Variants in DDB1 observed in about 807,000 individuals in gnomAD.
DDB1 encodes damage specific DNA binding protein 1.
DDB1 carries 18 observed loss-of-function variants against 133.1 expected under a neutral mutation model. That is an observed-to-expected ratio of 0.14 (90% CI 0.09 to 0.20). The LOEUF (loss-of-function observed/expected upper bound fraction) is 0.20. Ranked by LOEUF, DDB1 falls within the 10% of genes least tolerant of loss-of-function variation. The probability of loss-of-function intolerance (pLI) is 1.00; values close to 1 mark genes in which losing one functional copy is unlikely to be tolerated. For missense variants in DDB1, 828 were observed against 1,459.2 expected (o/e 0.57, Z 7.05); for synonymous variants, 580 against 550.5 (o/e 1.05, Z -0.75).
intron 9 of DDB1, chr11:61,321,989 C>T: frequency 1.9e-6 from 1 of 535,352 alleles, no homozygotes; most frequent in Non-Finnish European, 3.3e-6. Context: ...GATACACCTG[C>T]CACTTATTAA....
chr11:61,329,935 T>C (rs1325677947), intron 3 of DDB1, 23 bp downstream of exon 3: 2 of 1,586,464 alleles, frequency 1.3e-6, no homozygotes, highest in African/African-American at 1.3e-5. Context: ...AAAACTTTCA[T>C]TGGCCTAAAG....
chr11:61,306,593 G>A (rs1053720604), intron 21 of DDB1, among the ~76,000 whole-genome samples: 6 of 152,142 alleles, frequency 3.9e-5, no homozygotes, highest in South Asian at 2.1e-4. Context: ...CACTTACTTT[G>A]TCCATTCTTA....
At position 61,329,488 on chromosome 11, in the gene DDB1, C is replaced by T; in HGVS notation, c.424G>A (p.Val142Ile). The change falls in exon 4 of 27, where the codon GTT becomes ATT. Residue 142 changes from valine to isoleucine, a missense_variant. Around this residue, in one of 7 missense-constraint regions of DDB1, gnomAD observed 210 missense variants for 344.8 expected, o/e 0.61. Coordinates refer to ENST00000301764, the MANE Select transcript of DDB1 (RefSeq NM_001923.5). ...TTATTATCGCGATCTAGTGGAATAA[C>T]CTTGAAAAGGCCATCATAGAGACGC... Reference protein sequence around the residue: ...GLRLYDGLFKVIPLDRDNKEL... With the variant: ...GLRLYDGLFKIIPLDRDNKEL... 6.2e-7 allele frequency: 1 copy of T among 1,614,146 alleles called. No homozygotes were observed. The highest frequency in any genetic ancestry group is 8.5e-7 in the Non-Finnish European group (1 of 1,180,036).
intron 8 of DDB1, 62 bp downstream of exon 8, chr11:61,322,949 G>A (rs1856207272): frequency 7.3e-7 from 1 of 1,377,330 alleles, no homozygotes; most frequent in Admixed American, 2.0e-5. Context: ...AAACATAGGA[G>A]AAATTTGATG....
At position 61,309,061 on chromosome 11, in the gene DDB1, C is replaced by G. The variant is rs777798630; in HGVS notation, c.2583G>C (p.Val861=). ...FQYSDGKLQT[V]AEKEVKGAVY... ...CGGCCCCTTTCACTTCCTTTTCAGC[C>G]ACAGTCTGTAGTTTTCCTGGGGGTG... Residue 861 remains valine, a synonymous_variant, in exon 21 of 27, where the codon GTG becomes GTC. Coordinates refer to ENST00000301764, the MANE Select transcript of DDB1 (RefSeq NM_001923.5). The G allele has an allele frequency of 4.3e-6, 7 of 1,614,048 alleles. No homozygotes were observed. The South Asian group carries it at 7.7e-5, about 18-fold the overall frequency.
rs187489437 is a variant in DDB1, at chr11:61,309,405, G to A, written c.2567-328C>T. On this transcript the variant is annotated intron_variant, in intron 20 of 26. Transcript: ENST00000301764. Reference sequence around the variant, plus strand: ...GTCTTTAGAGCCATCTTGGGTGGGTGTAACGAGAAAAGATATTAAAATATA... The same window carrying A: ...GTCTTTAGAGCCATCTTGGGTGGGTATAACGAGAAAAGATATTAAAATATA... Among the ~76,000 whole-genome samples the A allele has an allele frequency of 3.9e-5, 6 of 152,264 alleles. No homozygotes were observed. The East Asian group carries it at 1.2e-3, about 29-fold the overall frequency.
At chr11:61,331,912 T>C (rs1856383130) in intron 1 of DDB1, 1 of 542,146 alleles carries the variant, frequency 1.8e-6, no homozygotes, top group Non-Finnish European at 3.3e-6. Flanking sequence ...CTAAGAAAAC[T>C]GGACTGGACC....
intron 16 of DDB1, among the ~76,000 whole-genome samples, chr11:61,312,506 CTTTTTTTTT>C (rs954501705): frequency 8.3e-6 from 1 of 120,078 alleles, no homozygotes; most frequent in South Asian, 2.6e-4. Context: ...CTCTCTCTCT[CTTTTTTTTT>C]TTTTTTTTTT....
At chr11:61,323,120 G>T (rs758753352) in intron 7 of DDB1, 26 bp from the exon 8 acceptor site, 1 of 1,599,986 alleles carries the variant, frequency 6.3e-7, no homozygotes, top group Non-Finnish European at 8.6e-7. Context: ...CAACGTGAAA[G>T]AAATGAGAAT....
intron 16 of DDB1, among the ~76,000 whole-genome samples, chr11:61,312,506 C>CTTTT (rs954501705): frequency 3.1e-4 from 37 of 120,034 alleles, no homozygotes; most frequent in Non-Finnish European, 4.5e-4. Flanking sequence ...CTCTCTCTCT[C>CTTTT]TTTTTTTTTT....
In DDB1 at chr11:61,300,935, G is replaced by A. The variant is rs758254945; in HGVS notation, c.3216-3C>T. The A allele has an allele frequency of 8.1e-6, 13 of 1,614,106 alleles. No homozygotes were observed. In the East Asian group the frequency reaches 2.9e-4, roughly 36 times the overall value. ...GCTCGGTGTGAAAGGATCTCCAGGT[G>A]GATGGGTGAGTTAAGGAACACGTGC... On this transcript the variant is annotated splice_polypyrimidine_tract_variant and splice_region_variant and intron_variant, in intron 25 of 26. Transcript: ENST00000301764.
chr11:61,313,105 G>T (rs1856005321), intron 16 of DDB1, among the ~76,000 whole-genome samples: 1 of 152,200 alleles, frequency 6.6e-6, no homozygotes, highest in South Asian at 2.1e-4. Flanking sequence ...GAGCCACCAT[G>T]CCCAGCCAGA....
chr11:61,324,646 A>G (rs568320370), intron 6 of DDB1, among the ~76,000 whole-genome samples: 6 of 152,122 alleles, frequency 3.9e-5, no homozygotes, highest in Admixed American at 2.6e-4. Context: ...CATCCTCCCA[A>G]GTGGCTAGTA....
At chr11:61,304,098 A>G (rs1855845326) in intron 21 of DDB1, 63 bp from the exon 22 acceptor site, 1 of 1,588,734 alleles carries the variant, frequency 6.3e-7, no homozygotes. Flanking sequence ...GACTCCCCCC[A>G]ACTCTTCGAC....
chr11:61,312,008 G>T lies in DDB1; in HGVS notation c.2146C>A (p.Pro716Thr). 1 of 1,614,222 alleles carries T rather than the reference G, an allele frequency of 6.2e-7. No individual in the cohort carries two copies. Among genetic ancestry groups the T allele is most frequent in the South Asian group, 1.1e-5 (1 of 91,078 alleles). The change falls in exon 17 of 27, where the codon CCC becomes ACC. Residue 716 changes from proline to threonine, a missense_variant. Around this residue, in one of 7 missense-constraint regions of DDB1, gnomAD observed 396 missense variants for 554.1 expected, o/e 0.71. Transcript: ENST00000301764. Reference sequence around the variant, plus strand: ...CCTCACCTTGGAGACTCATAGAGGGGAACTGTGCGAATGTGCAGCTTCTGG... The same window carrying T: ...CCTCACCTTGGAGACTCATAGAGGGTAACTGTGCGAATGTGCAGCTTCTGG... ...EIQKLHIRTV[P>T]LYESPRKICY...
chr11:61,300,304 G>A, intron 26 of DDB1, 85 bp from the exon 27 acceptor site: 1 of 1,335,396 alleles, frequency 7.5e-7, no homozygotes, highest in Non-Finnish European at 1.1e-6. Context: ...AGTGAAGGAG[G>A]CACAAGACTC....
intron 21 of DDB1, 56 bp downstream of exon 21, chr11:61,308,927 A>T: frequency 1.3e-6 from 2 of 1,553,342 alleles, no homozygotes; most frequent in Non-Finnish European, 8.9e-7. Flanking sequence ...AGAGAGACAC[A>T]TTCTGCAGAC....
chr11:61,321,493 G>C, intron 10 of DDB1, 102 bp downstream of exon 10: 2 of 835,578 alleles, frequency 2.4e-6, no homozygotes, highest in South Asian at 1.5e-5. Context: ...CTCTTCACTT[G>C]ATCTGCTTTC....
At position 61,331,679 on chromosome 11, in the gene DDB1, G is replaced by A. The variant is rs35597036; in HGVS notation, c.74C>T (p.Ser25Leu). 805 of 1,614,040 alleles carry A rather than the reference G, an allele frequency of 5.0e-4. 3 individuals are homozygous for A. Among genetic ancestry groups the A allele is most frequent in the Non-Finnish European group, 4.9e-4 (584 of 1,180,040 alleles). The change falls in exon 2 of 27, where the codon TCG becomes TTG. Residue 25 changes from serine (S) to leucine (L), a missense_variant. Physicochemically the swap from Ser to Leu is moderately radical, Grantham distance 145. Coordinates refer to ENST00000301764, the MANE Select transcript of DDB1 (RefSeq NM_001923.5). ...VNGCVTGHFT[S>L]AEDLNLLIAK... Reference sequence around the variant, plus strand: ...AATCAACAGGTTTAAGTCTTCGGCCGAAGTAAAGTGTCCTGAAAGAACAGA... The same window carrying A: ...AATCAACAGGTTTAAGTCTTCGGCCAAAGTAAAGTGTCCTGAAAGAACAGA...
Sources: allele counts gnomAD v4.1 joint callset (sites outside exome capture counted in the v4.1 genomes callset), GRCh38; gene constraint gnomAD v4.1.1; regional missense constraint gnomAD v4.1.1; transcripts MANE v1.5; gene names NCBI Gene and HGNC (gene_info 2026-07-23, HGNC 2026-07-21).